The following LHX9 variants were observed in gnomAD, a reference collection of about 807,000 sequenced individuals.
LHX9 encodes LIM homeobox 9.
Under a neutral mutation model 36.5 loss-of-function variants are expected in LHX9, and 9 were observed. The ratio of observed to expected loss-of-function variants is 0.25; its 90% CI spans 0.15 to 0.43. The LOEUF (loss-of-function observed/expected upper bound fraction) is 0.43. Among genes scored for constraint, LHX9 ranks in the 20% least tolerant of loss-of-function variants. The probability of loss-of-function intolerance (pLI) is 1.00; values close to 1 mark genes in which losing one functional copy is unlikely to be tolerated. For missense variants in LHX9, 464 were observed against 526.4 expected (o/e 0.88, Z 1.16); for synonymous variants, 211 against 212.1 (o/e 0.99, Z 0.04).
rs1418614297 is a variant in LHX9 at position 197,932,981 on chromosome 1, A to G, written c.*3722A>G. The G allele has an allele frequency of 2.6e-5, 4 of 152,022 alleles. No homozygotes were observed. Among genetic ancestry groups the G allele is most frequent in the African/African-American group, 9.6e-5 (4 of 41,458 alleles). 9.4% of individuals were successfully genotyped at this position (152,022 alleles called of 1,614,324 possible). On this transcript the variant is annotated 3_prime_UTR_variant, in exon 5 of 5. Coordinates refer to ENST00000367387, the MANE Select transcript of LHX9 (RefSeq NM_020204.3). ...GTATACAAATATATTCTGAACTATA[A>G]AAAGATCCAATCTTTGCATAGTTCA...
chr1:197,916,867 G>T (rs1659774600), upstream of LHX9: 12 of 678,496 alleles, frequency 1.8e-5, no homozygotes, highest in Admixed American at 2.1e-4. Context: ...TTACATTTCT[G>T]CTCAATATTT....
intron 2 of LHX9, 28 bp downstream of exon 2, chr1:197,920,202 G>A (rs201767300): frequency 1.2e-6 from 2 of 1,605,676 alleles, no homozygotes; most frequent in East Asian, 2.2e-5. Flanking sequence ...CACTTCCTAC[G>A]CCCGAGTACA....
At chr1:197,922,047 A>G (rs1445423571) in intron 3 of LHX9, among the ~76,000 whole-genome samples, 1 of 128,126 alleles carries the variant, frequency 7.8e-6, no homozygotes, top group Non-Finnish European at 1.9e-5. Context: ...TTTCCTAAAT[A>G]CTGAAGAAAA....
upstream of LHX9, chr1:197,916,450 G>A (rs906146208): frequency 1.8e-6 from 1 of 563,806 alleles, no homozygotes; most frequent in Non-Finnish European, 3.2e-6. Flanking sequence ...CAGTCCTGCG[G>A]GGGCAGGCGC....
intron 3 of LHX9, among the ~76,000 whole-genome samples, chr1:197,923,553 T>A (rs953877362): frequency 5.5e-5 from 8 of 145,684 alleles, no homozygotes; most frequent in African/African-American, 8.3e-5. Flanking sequence ...AACTAGTGAG[T>A]TTTTTTTTGA....
At chr1:197,918,501 G>A in intron 1 of LHX9, 1 of 650,490 alleles carries the variant, frequency 1.5e-6, no homozygotes, top group Non-Finnish European at 2.8e-6. Flanking sequence ...TAGACGCTCG[G>A]GGCTTGGGAC....
rs975560976 is a variant in LHX9 at position 197,917,563 on chromosome 1, C to T, written c.-261C>T. The T allele has an allele frequency of 5.4e-6, 8 of 1,483,850 alleles. No homozygotes were observed. In the African/African-American group the frequency reaches 8.4e-5, roughly 16 times the overall value. The allele number at this position is 1,483,850 out of a possible 1,614,324, so 91.9% of individuals were successfully genotyped here. A position where few individuals can be genotyped will look rare whatever the true frequency, so the allele number is the denominator to read the frequency against. ...GAGCAGTAAGATTCGCCTTCTACGC[C>T]TCTTTTTCCCTCCGCCCGAATTGTT... On this transcript the variant is annotated 5_prime_UTR_variant, in exon 1 of 5. Transcript: ENST00000367387.
chr1:197,914,082 A>T (rs1381215335), upstream of LHX9, among the ~76,000 whole-genome samples: 1 of 152,102 alleles, frequency 6.6e-6, no homozygotes, highest in African/African-American at 2.4e-5. Context: ...TCCAACTATT[A>T]TGCTCCACTA....
Position 197,917,624 on chromosome 1 carries a change from G to C in LHX9, c.-200G>C, listed in dbSNP as rs2102591031. The C allele has an allele frequency of 6.0e-6, 9 of 1,511,342 alleles. No individual in the cohort carries two copies. The highest frequency in any genetic ancestry group is 1.7e-4 in the Middle Eastern group (1 of 5,780). 93.6% of individuals were successfully genotyped at this position (1,511,342 alleles called of 1,614,324 possible). Reference sequence around the variant, plus strand: ...ACATCTCCTTCAGGGAGCCGCTGAGGCTTCCCCCCAACTCTTCCCAGTTCT... The same window carrying C: ...ACATCTCCTTCAGGGAGCCGCTGAGCCTTCCCCCCAACTCTTCCCAGTTCT... On this transcript the variant is annotated 5_prime_UTR_variant, in exon 1 of 5. Transcript: ENST00000367387.
In LHX9 at chr1:197,933,744, A is replaced by G. The variant is rs1479252998; in HGVS notation, c.*4485A>G. 7.1e-4 allele frequency: 3 copies of G among 4,206 alleles called. No homozygotes were observed. The Non-Finnish European group carries it at 7.6e-3, about 11-fold the overall frequency. The allele number at this position is 4,206 out of a possible 1,614,324, so 0.3% of individuals were successfully genotyped here. A position where few individuals can be genotyped will look rare whatever the true frequency, so the allele number is the denominator to read the frequency against. ...AAACAGGCACATTTTTTAAAACCAAAAAAAAAAAAAAAAAGAGAGAGAGAG... is the reference window on the plus strand; with the variant it reads ...AAACAGGCACATTTTTTAAAACCAAGAAAAAAAAAAAAAAGAGAGAGAGAG... On this transcript the variant is annotated 3_prime_UTR_variant, in exon 5 of 5. Transcript: ENST00000367387.
chr1:197,919,899 C>A (rs572420624), intron 1 of LHX9, 73 bp from the exon 2 acceptor site: 14 of 1,524,144 alleles, frequency 9.2e-6, no homozygotes, highest in Non-Finnish European at 1.3e-5. Context: ...GCTTGGTCTG[C>A]CTGGGGGAGA....
At position 197,930,004 on chromosome 1, in the gene LHX9, AT is replaced by A; in HGVS notation, c.*749del. ...ATGTATCCATGAAAATTCCGCATTG[AT>A]TTTGACATTCCATACTTTTAACCTC... On this transcript the variant is annotated 3_prime_UTR_variant, in exon 5 of 5. Transcript: ENST00000367387. The A allele has an allele frequency of 1.0e-6, 1 of 983,854 alleles. No individual in the cohort carries two copies. The highest frequency in any genetic ancestry group is 1.2e-6 in the Non-Finnish European group (1 of 828,350). 60.9% of individuals were successfully genotyped at this position (983,854 alleles called of 1,614,324 possible).
intron 1 of LHX9, among the ~76,000 whole-genome samples, chr1:197,919,067 C>T (rs1230730117): frequency 6.6e-6 from 1 of 152,210 alleles, no homozygotes; most frequent in African/African-American, 2.4e-5. Context: ...GAAGATCAAC[C>T]CATTTCTGCT....
chr1:197,919,884 C>T, intron 1 of LHX9, 88 bp from the exon 2 acceptor site: 1 of 1,394,646 alleles, frequency 7.2e-7, no homozygotes, highest in Non-Finnish European at 1.0e-6. Flanking sequence ...CCCTGCACAC[C>T]CTGGGCTTGG....
rs368402748 is a variant in LHX9 at position 197,924,874 on chromosome 1, C to A, written c.734-2717C>A. ...TGAACTGACAGGTAGATATTTAAGA[C>A]AGTTTTAAGAGTTATCATTTCATCT... On this transcript the variant is annotated intron_variant, in intron 3 of 4. Coordinates refer to ENST00000367387, the MANE Select transcript of LHX9 (RefSeq NM_020204.3). Among the ~76,000 whole-genome samples the A allele has an allele frequency of 1.8e-3, 224 of 123,634 alleles. 36 individuals carry two copies. The highest frequency in any genetic ancestry group is 6.7e-3 in the African/African-American group (219 of 32,498). 81.1% of individuals were successfully genotyped at this position (123,634 alleles called of 152,430 possible). A position where few individuals can be genotyped will look rare whatever the true frequency, so the allele number is the denominator to read the frequency against.
chr1:197,917,920 A>G lies in LHX9; in HGVS notation c.97A>G (p.Ile33Val). Residue 33 changes from isoleucine (I) to valine (V), a missense_variant, in exon 1 of 5, where the codon ATC becomes GTC. This residue lies in a region of LHX9 where 119 missense variants were observed against 102.4 expected (regional missense o/e 1.16). Transcript: ENST00000367387. ...GATCTCCGGAGGCCACATCCAAGGCATCATGGAGGAGATGGAGCGCAGATC... is the reference window on the plus strand; with the variant it reads ...GATCTCCGGAGGCCACATCCAAGGCGTCATGGAGGAGATGGAGCGCAGATC... Reference protein sequence around the residue: ...HGISGGHIQGIMEEMERRSKT... With the variant: ...HGISGGHIQGVMEEMERRSKT... 1.9e-6 allele frequency: 3 copies of G among 1,614,208 alleles called. No homozygotes were observed. Among genetic ancestry groups the G allele is most frequent in the African/African-American group, 1.3e-5 (1 of 75,062 alleles).
intron 1 of LHX9, chr1:197,918,322 C>T (rs1179007930): frequency 1.4e-6 from 1 of 717,470 alleles, no homozygotes. Context: ...GCAGGCGTCT[C>T]CCCGGCGAGG....
rs982688186 is a variant in LHX9, at chr1:197,921,306, G to T, written c.380G>T (p.Arg127Met). 2.5e-6 allele frequency: 4 copies of T among 1,609,750 alleles called. No homozygotes were observed. Among genetic ancestry groups the T allele is most frequent in the Non-Finnish European group, 3.4e-6 (4 of 1,177,052 alleles). Residue 127 changes from arginine to methionine, a missense_variant and splice_region_variant, in exon 3 of 5, where the codon AGG (arginine) becomes ATG (methionine). Around this residue, in one of 5 missense-constraint regions of LHX9, gnomAD observed 93 missense variants for 150.3 expected, o/e 0.62. Transcript: ENST00000367387. This position sits in a 1 kb window ranked among gnomAD's most constrained non-coding sequence, Gnocchi z 4.6. ...SIYCKEDYYR[R>M]FSVQRCARCH... is the part of the protein sequence containing the mutation. The stretch of plus-strand genomic sequence containing the variant: ...CTGACTCAACTCTTTCCTTCCAGAA[G>T]GTTCTCTGTGCAGAGATGTGCCCGC...
At chr1:197,912,830 G>A, upstream of LHX9, 3 of 527,506 alleles carry the variant, frequency 5.7e-6, no homozygotes, top group South Asian at 2.2e-5. Context: ...CCAGGCAGAG[G>A]TCCTGGTTCC....
Sources: gnomAD v4.1 joint callset for allele counts (sites outside exome capture counted in the v4.1 genomes callset) on GRCh38, gnomAD v4.1.1 for gene constraint, gnomAD v4.1.1 regional missense constraint, Gnocchi (gnomAD v3.1) non-coding constraint, MANE v1.5 for transcripts, NCBI Gene and HGNC (gene_info 2026-07-23, HGNC 2026-07-21) for gene names.